CAMSAP1: variants seen among roughly 807,000 people sequenced by gnomAD.
The protein encoded by CAMSAP1 is calmodulin-regulated spectrin-associated protein 1.
A neutral mutation model predicts 143.5 loss-of-function variants in CAMSAP1; 58 were observed. The observed-to-expected ratio is 0.40, with a 90% CI of 0.33 to 0.50. The LOEUF is 0.50. Ranked by LOEUF, CAMSAP1 falls within the 20% of genes least tolerant of loss-of-function variation. CAMSAP1 has a pLI of 0.45. For synonymous variants in CAMSAP1, 945 were observed against 859.3 expected, an observed-to-expected ratio of 1.10 and a Z score of -1.74; for missense variants, 1,969 against 2,115.7, an observed-to-expected ratio of 0.93 and a Z score of 1.36.
intron 5 of CAMSAP1, among the ~76,000 whole-genome samples, chr9:135,851,902 G>A (rs372208805): frequency 3.7e-4 from 57 of 152,198 alleles, no homozygotes; most frequent in African/African-American, 1.3e-3. Context: ...GAGGGGACTC[G>A]CTGGGCCACG....
chr9:135,813,612 C>T (rs984437493), intron 16 of CAMSAP1, among the ~76,000 whole-genome samples: 4 of 152,192 alleles, frequency 2.6e-5, no homozygotes, highest in African/African-American at 9.6e-5. Context: ...GCTTATGTGG[C>T]ACAGCTGAGA....
rs1291279090 is a variant in CAMSAP1 at position 135,811,431 on chromosome 9, T to C, written c.4687A>G (p.Lys1563Glu). 1.2e-6 allele frequency: 2 copies of C among 1,612,720 alleles called. No homozygotes were observed. The highest frequency in any genetic ancestry group is 1.7e-6 in the Non-Finnish European group (2 of 1,179,378). The change falls in exon 17 of 17, where the codon AAA becomes GAA. Residue 1563 changes from lysine (K) to glutamate (E), a missense_variant. By Grantham distance (56) the Lys-to-Glu change is moderately conservative (BLOSUM62 1). Transcript: ENST00000389532. This position sits in a 1 kb window ranked among gnomAD's most constrained non-coding sequence, Gnocchi z 4.9. The part of the protein sequence containing the change: ...DKLYKYSSDR[K>E]QFNLIPAKTM... ...TTGGCTGGGATCAAGTTAAACTGTT[T>C]TCGGTCTGAGCTGTATTTATACAGT... is the stretch of plus-strand genomic sequence containing the variant.
intron 1 of CAMSAP1, among the ~76,000 whole-genome samples, chr9:135,899,349 G>A (rs1035789632): frequency 6.6e-6 from 1 of 151,516 alleles, no homozygotes; most frequent in Non-Finnish European, 1.5e-5. Flanking sequence ...AGAACTTTGG[G>A]AGGCCGAGAC....
In CAMSAP1 at chr9:135,822,251, T is replaced by C; in HGVS notation, c.2410A>G (p.Ser804Gly). Residue 804 changes from serine (S) to glycine (G), a missense_variant, in exon 11 of 17, where the codon AGT becomes GGT. Physicochemically the swap from Ser to Gly is moderately conservative, Grantham distance 56 (BLOSUM62 0). Around this residue, in one of 4 missense-constraint regions of CAMSAP1, gnomAD observed 1,390 missense variants for 1,420.8 expected, o/e 0.98. Coordinates refer to ENST00000389532, the MANE Select transcript of CAMSAP1 (RefSeq NM_015447.4). The surrounding 1 kb of genome is among the most constrained non-coding windows in gnomAD (Gnocchi z 6.1). Reference sequence around the variant, plus strand: ...ACGCTCCCACTCGCCATGGAGACACTGCTCATCTGAGAGGCTGTGCTCAGG... The same window carrying C: ...ACGCTCCCACTCGCCATGGAGACACCGCTCATCTGAGAGGCTGTGCTCAGG... The part of the protein sequence containing the change: ...PCLSTASQMS[S>G]VSMASGSVKM... 1 of 1,613,998 alleles carries C rather than the reference T, an allele frequency of 6.2e-7. No individual in the cohort carries two copies. The highest frequency in any genetic ancestry group is 1.1e-5 in the South Asian group (1 of 91,086).
rs1005006215 is a variant in CAMSAP1, at chr9:135,836,678, C to T, written c.1046-9094G>A. 3.8e-5 allele frequency: 37 copies of T among 981,850 alleles called. No homozygotes were observed. The Admixed American group carries it at 2.0e-3, about 53-fold the overall frequency. 60.8% of individuals were successfully genotyped at this position (981,850 alleles called of 1,614,324 possible). A position where few individuals can be genotyped will look rare whatever the true frequency, so the allele number is the denominator to read the frequency against. ...CTTTCTACCCCGTTCTACAGACACA[C>T]GTCACCACGCACTTCTACCCTGTTC... On this transcript the variant is annotated intron_variant, in intron 7 of 16. Transcript: ENST00000389532.
intron 7 of CAMSAP1, among the ~76,000 whole-genome samples, chr9:135,832,471 G>A (rs1351257053): frequency 6.6e-6 from 1 of 152,106 alleles, no homozygotes; most frequent in Non-Finnish European, 1.5e-5. Context: ...TAATTAGTGG[G>A]GGAAAACTGA....
At chr9:135,873,640 T>C (rs1457727750) in intron 3 of CAMSAP1, among the ~76,000 whole-genome samples, 1 of 151,964 alleles carries the variant, frequency 6.6e-6, no homozygotes, top group East Asian at 1.9e-4. Context: ...TAAAGAAATA[T>C]AAACCTTATG....
intron 7 of CAMSAP1, among the ~76,000 whole-genome samples, chr9:135,848,937 C>G (rs998075851): frequency 6.6e-6 from 1 of 152,250 alleles, no homozygotes. Flanking sequence ...ACAGTGACTC[C>G]AAGTAACACT....
chr9:135,831,265 A>C (rs1372327260), intron 7 of CAMSAP1, among the ~76,000 whole-genome samples: 1 of 152,246 alleles, frequency 6.6e-6, no homozygotes, highest in African/African-American at 2.4e-5. Flanking sequence ...GGAAATCAAA[A>C]GGGAATTTTA....
intron 3 of CAMSAP1, among the ~76,000 whole-genome samples, chr9:135,880,050 CA>C (rs1222748437): frequency 6.6e-6 from 1 of 152,052 alleles, no homozygotes; most frequent in Non-Finnish European, 1.5e-5. Flanking sequence ...GGGTAATTTA[CA>C]TTTTATTCTT....
rs540911381 is a variant in CAMSAP1 at position 135,873,501 on chromosome 9, GATTT to G, written c.586-6969_586-6966del. ...TAAATAGAGAAAATAAAAACTAAAA[GATTT>G]TTTAGAAGATTAATGAAGTTGATAA... On this transcript the variant is annotated intron_variant, in intron 3 of 16. Coordinates refer to ENST00000389532, the MANE Select transcript of CAMSAP1 (RefSeq NM_015447.4). Among the ~76,000 whole-genome samples, 305 of 152,142 alleles carry G rather than the reference GATTT, an allele frequency of 2.0e-3. 3 individuals carry two copies. The highest frequency in any genetic ancestry group is 7.1e-3 in the African/African-American group (294 of 41,526).
chr9:135,864,152 C>A (rs561629526), intron 4 of CAMSAP1, among the ~76,000 whole-genome samples: 1 of 152,278 alleles, frequency 6.6e-6, no homozygotes, highest in South Asian at 2.1e-4. Flanking sequence ...AATAAAAAAG[C>A]ATTAAGGGAC....
At chr9:135,840,177 G>A (rs1421986055) in intron 7 of CAMSAP1, among the ~76,000 whole-genome samples, 2 of 152,164 alleles carry the variant, frequency 1.3e-5, no homozygotes. Flanking sequence ...CTGGCCATAG[G>A]GTTTCAGCAG....
chr9:135,886,037 G>A (rs1032635410), intron 1 of CAMSAP1, among the ~76,000 whole-genome samples: 8 of 149,232 alleles, frequency 5.4e-5, no homozygotes, highest in African/African-American at 1.5e-4. Flanking sequence ...AACGTTTAAC[G>A]TTCTATCAAA....
At chr9:135,840,261 A>G (rs1351643468) in intron 7 of CAMSAP1, among the ~76,000 whole-genome samples, 1 of 151,762 alleles carries the variant, frequency 6.6e-6, no homozygotes, top group Admixed American at 6.6e-5. Context: ...GACCAGAGAC[A>G]CTCCCCAGCC....
intron 5 of CAMSAP1, among the ~76,000 whole-genome samples, chr9:135,855,028 G>T (rs1255487645): frequency 6.6e-6 from 1 of 151,030 alleles, no homozygotes; most frequent in Non-Finnish European, 1.5e-5. Context: ...GCTTCACTCT[G>T]TCACCCAGGC....
chr9:135,887,021 G>A (rs1024218825), intron 1 of CAMSAP1, among the ~76,000 whole-genome samples: 1 of 152,232 alleles, frequency 6.6e-6, no homozygotes, highest in Admixed American at 6.5e-5. Context: ...ATGGAGAGGT[G>A]TAGAGACTGG....
At position 135,821,534 on chromosome 9, in the gene CAMSAP1, G is replaced by C. The variant is rs373185407; in HGVS notation, c.3127C>G (p.Gln1043Glu). 4 of 1,614,070 alleles carry C rather than the reference G, an allele frequency of 2.5e-6. No homozygotes were observed. The highest frequency in any genetic ancestry group is 3.4e-6 in the Non-Finnish European group (4 of 1,179,902). ...TTCATCAGAAGCTGCTCTTGCTGCTGAGAGATTTTCAGGATGGCCTGCTGC... is the reference window on the plus strand; with the variant it reads ...TTCATCAGAAGCTGCTCTTGCTGCTCAGAGATTTTCAGGATGGCCTGCTGC... ...TLQQAILKIS[Q>E]QQEQLLMKSP... The change falls in exon 11 of 17, where the codon CAG becomes GAG. Residue 1043 changes from glutamine (Q) to glutamate (E), a missense_variant. Physicochemically the swap from Gln to Glu is conservative, Grantham distance 29. Transcript: ENST00000389532. This position sits in a 1 kb window ranked among gnomAD's most constrained non-coding sequence, Gnocchi z 4.6.
intron 3 of CAMSAP1, among the ~76,000 whole-genome samples, chr9:135,868,169 T>TAAA (rs372013273): frequency 1.3e-4 from 19 of 146,946 alleles, no homozygotes; most frequent in Middle Eastern, 3.6e-3. Context: ...GAACTGCTTG[T>TAAA]AAAAAAAAAA....
Sources: allele counts gnomAD v4.1 joint callset (sites outside exome capture counted in the v4.1 genomes callset), GRCh38; gene constraint gnomAD v4.1.1; regional missense constraint gnomAD v4.1.1; non-coding constraint Gnocchi (gnomAD v3.1); transcripts MANE v1.5; gene names NCBI Gene and HGNC (gene_info 2026-07-23, HGNC 2026-07-21).